Variants in CSMD1 observed in about 807,000 individuals in gnomAD.
CSMD1 encodes CUB and Sushi multiple domains 1, also known as CUB and sushi domain-containing protein 1.
A neutral mutation model predicts 417.5 loss-of-function variants in CSMD1; 213 were observed. That is an observed-to-expected ratio of 0.51 (90% CI 0.46 to 0.57). The LOEUF is 0.57. Among genes scored for constraint, CSMD1 ranks in the 20% least tolerant of loss-of-function variants. CSMD1 has a pLI of 0.00. For missense variants in CSMD1, 6,923 were observed against 4,529.7 expected (o/e 1.53, Z -15.17); for synonymous variants, 2,862 against 1,736.8 (o/e 1.65, Z -16.11).
intron 49 of CSMD1, among the ~76,000 whole-genome samples, chr8:3,073,125 G>T (rs4389962): frequency 0.2 from 30,643 of 151,932 alleles, 3,687 homozygotes; most frequent in East Asian, 0.27. Context: ...AAGTCCTATT[G>T]TCTCTGATGA....
At chr8:3,820,780 C>T (rs146222578) in intron 5 of CSMD1, among the ~76,000 whole-genome samples, 5 of 152,154 alleles carry the variant, frequency 3.3e-5, no homozygotes, top group East Asian at 3.9e-4. Context: ...GATGGGGTTT[C>T]GCCATGTTGG....
chr8:4,343,886 C>G (rs191756406), intron 3 of CSMD1, among the ~76,000 whole-genome samples: 26 of 152,222 alleles, frequency 1.7e-4, no homozygotes, highest in Admixed American at 1.7e-3. Context: ...AACTCAATAA[C>G]TAATTTTTAA....
intron 1 of CSMD1, among the ~76,000 whole-genome samples, chr8:4,839,544 G>C (rs1407344771): frequency 6.6e-6 from 1 of 152,048 alleles, no homozygotes; most frequent in Non-Finnish European, 1.5e-5. Flanking sequence ...TTTTCCACAA[G>C]AATGGACCAC....
intron 1 of CSMD1, among the ~76,000 whole-genome samples, chr8:4,901,549 C>G (rs1804871113): frequency 6.6e-6 from 1 of 151,672 alleles, no homozygotes; most frequent in African/African-American, 2.4e-5. Flanking sequence ...ATCTCCCCAC[C>G]AAAAAAGTGA....
Position 4,848,533 on chromosome 8 carries a change from T to C in CSMD1, c.85+145799A>G, listed in dbSNP as rs567181531. Among the ~76,000 whole-genome samples the C allele has an allele frequency of 2.9e-4, 44 of 152,170 alleles. 1 individual carries two copies. Among genetic ancestry groups the C allele is most frequent in the Non-Finnish European group, 1.5e-5 (1 of 68,000 alleles). On this transcript the variant is annotated intron_variant, in intron 1 of 69. Coordinates refer to ENST00000635120, the MANE Select transcript of CSMD1 (RefSeq NM_033225.6). Reference sequence around the variant, plus strand: ...GTCTAGCACATAAAATGATGTATAGTACATAATGCTTTTTTTTTTTTTTGA... The same window carrying C: ...GTCTAGCACATAAAATGATGTATAGCACATAATGCTTTTTTTTTTTTTTGA...
rs115456629 is a variant in CSMD1 at position 3,359,083 on chromosome 8, C to A, written c.3304+69G>T. On this transcript the variant is annotated intron_variant, in intron 21 of 69. Coordinates refer to ENST00000635120, the MANE Select transcript of CSMD1 (RefSeq NM_033225.6). ...CAAACCCCCACCCGACCCCGACCAC[C>A]CTAGGCTTCTTGCCTGGGCTAGACC... 6.5e-4 allele frequency: 984 copies of A among 1,515,900 alleles called. 7 individuals carry two copies. In the African/African-American group the frequency reaches 0.012, roughly 18 times the overall value. The allele number at this position is 1,515,900 out of a possible 1,614,324, so 93.9% of individuals were successfully genotyped here. A position where few individuals can be genotyped will look rare whatever the true frequency, so the allele number is the denominator to read the frequency against.
At chr8:3,053,148 A>C (rs902663289) in intron 49 of CSMD1, among the ~76,000 whole-genome samples, 1 of 152,200 alleles carries the variant, frequency 6.6e-6, no homozygotes, top group Non-Finnish European at 1.5e-5. Flanking sequence ...ATTAAAGGTT[A>C]AATGAGGAAC....
At chr8:4,425,211 T>A (rs1482557223) in intron 2 of CSMD1, among the ~76,000 whole-genome samples, 1 of 152,030 alleles carries the variant, frequency 6.6e-6, no homozygotes, top group Non-Finnish European at 1.5e-5. Context: ...CAAATGATAT[T>A]AGTTCAGGAA....
At chr8:3,585,908 C>T (rs1019130308) in intron 9 of CSMD1, among the ~76,000 whole-genome samples, 9 of 152,202 alleles carry the variant, frequency 5.9e-5, no homozygotes, top group Admixed American at 2.0e-4. Context: ...TGGATTTGCT[C>T]ACATCTATCC....
In CSMD1 at chr8:3,510,389, A is replaced by C. The variant is rs554886423; in HGVS notation, c.1345-16663T>G. On this transcript the variant is annotated intron_variant, in intron 10 of 69. Coordinates refer to ENST00000635120, the MANE Select transcript of CSMD1 (RefSeq NM_033225.6). ...AAAGCACATGGGTACTTGAAGTCCAAATGTCTTTTGAGCGCAGGCTCTGTT... is the reference window on the plus strand; with the variant it reads ...AAAGCACATGGGTACTTGAAGTCCACATGTCTTTTGAGCGCAGGCTCTGTT... 2.6e-5 allele frequency among the ~76,000 whole-genome samples: 4 copies of C among 151,908 alleles called. No homozygotes were observed. The South Asian group carries it at 8.3e-4, about 32-fold the overall frequency.
At chr8:3,573,123 T>A (rs1368458245) in intron 10 of CSMD1, among the ~76,000 whole-genome samples, 1 of 152,218 alleles carries the variant, frequency 6.6e-6, no homozygotes, top group Admixed American at 6.5e-5. Flanking sequence ...TATGCTTGTT[T>A]CTGTTACACT....
intron 1 of CSMD1, among the ~76,000 whole-genome samples, chr8:4,800,633 G>C (rs916838884): frequency 1.3e-5 from 2 of 152,192 alleles, no homozygotes; most frequent in Non-Finnish European, 2.9e-5. Flanking sequence ...CCCATCTTTG[G>C]TGCAATCCCC....
intron 3 of CSMD1, among the ~76,000 whole-genome samples, chr8:4,219,982 C>T (rs1054708496): frequency 7.2e-5 from 11 of 152,082 alleles, no homozygotes; most frequent in African/African-American, 2.7e-4. Flanking sequence ...TGGAGTCTCA[C>T]TCTGTCACCC....
intron 5 of CSMD1, among the ~76,000 whole-genome samples, chr8:3,767,775 C>T (rs1798361479): frequency 6.6e-6 from 1 of 152,122 alleles, no homozygotes; most frequent in Admixed American, 6.6e-5. Flanking sequence ...ACTCAGAGAA[C>T]AGTGCTCTCA....
chr8:4,378,183 C>G (rs1472692656), intron 3 of CSMD1, among the ~76,000 whole-genome samples: 1 of 152,198 alleles, frequency 6.6e-6, no homozygotes, highest in Non-Finnish European at 1.5e-5. Context: ...TATTGCGACT[C>G]TAATCGGCGT....
At chr8:4,868,782 T>C (rs1802564014) in intron 1 of CSMD1, among the ~76,000 whole-genome samples, 1 of 20,914 alleles carries the variant, frequency 4.8e-5, no homozygotes, top group Admixed American at 8.7e-4. Flanking sequence ...CTTGTAAAAA[T>C]TGTAAAAAAA....
intron 5 of CSMD1, among the ~76,000 whole-genome samples, chr8:3,917,597 A>G (rs1294523269): frequency 1.0e-5 from 1 of 95,610 alleles, no homozygotes; most frequent in Non-Finnish European, 2.1e-5. Flanking sequence ...TAAAGTTCAG[A>G]TTGGCTTCAT....
chr8:4,826,705 C>T (rs1032113142), intron 1 of CSMD1, among the ~76,000 whole-genome samples: 6 of 152,124 alleles, frequency 3.9e-5, no homozygotes, highest in Non-Finnish European at 8.8e-5. Context: ...TCCCTGCGCT[C>T]TGCCTTTCGT....
chr8:4,770,068 A>G (rs867327099), intron 1 of CSMD1, among the ~76,000 whole-genome samples: 2 of 151,986 alleles, frequency 1.3e-5, no homozygotes, highest in African/African-American at 4.8e-5. Flanking sequence ...CACAGAGGAC[A>G]CAAATGCATG....
Sources: allele counts gnomAD v4.1 joint callset (sites outside exome capture counted in the v4.1 genomes callset), GRCh38; gene constraint gnomAD v4.1.1; transcripts MANE v1.5; gene names NCBI Gene and HGNC (gene_info 2026-07-23, HGNC 2026-07-21).